MAPRE3: variants seen among roughly 807,000 people sequenced by gnomAD.
MAPRE3 encodes microtubule-associated protein RP/EB family member 3.
In MAPRE3, 2 loss-of-function variants were observed where a neutral mutation model predicts 30.5. The observed-to-expected ratio is 0.07, with a 90% CI of 0.03 to 0.21. MAPRE3 has a LOEUF of 0.21. MAPRE3 is among the 10% of genes least tolerant of loss of function. The probability of loss-of-function intolerance (pLI) is 1.00; values close to 1 mark genes in which losing one functional copy is unlikely to be tolerated. For missense variants in MAPRE3, 204 were observed against 351.8 expected (o/e 0.58, Z 3.36); for synonymous variants, 110 against 127.7 (o/e 0.86, Z 0.93).
At chr2:26,976,392 T>C (rs1486225743) in intron 1 of MAPRE3, among the ~76,000 whole-genome samples, 2 of 152,248 alleles carry the variant, frequency 1.3e-5, no homozygotes, top group African/African-American at 4.8e-5. Context: ...TAGGATGGGT[T>C]ATGCTGAGTA....
intron 1 of MAPRE3, among the ~76,000 whole-genome samples, chr2:27,018,882 C>T (rs1667045693): frequency 6.9e-6 from 1 of 144,532 alleles, no homozygotes; most frequent in South Asian, 2.2e-4. Context: ...GTGGAAGGGG[C>T]AGGCACACAC....
intron 1 of MAPRE3, chr2:27,013,400 T>G (rs1325216307): frequency 1.3e-5 from 2 of 152,250 alleles, no homozygotes; most frequent in African/African-American, 4.8e-5. Context: ...TGCATCTGTT[T>G]GCGTGTAGCC....
chr2:26,974,560 A>G (rs1321839095), intron 1 of MAPRE3, among the ~76,000 whole-genome samples: 2 of 152,122 alleles, frequency 1.3e-5, no homozygotes, highest in Non-Finnish European at 2.9e-5. Flanking sequence ...CTTATCTTCC[A>G]CCTCTCAGAA....
chr2:26,981,222 T>C (rs1038578905), intron 1 of MAPRE3, among the ~76,000 whole-genome samples: 1 of 152,144 alleles, frequency 6.6e-6, no homozygotes, highest in African/African-American at 2.4e-5. Flanking sequence ...TTTAAAGTCC[T>C]CTGGCCAGAG....
intron 1 of MAPRE3, among the ~76,000 whole-genome samples, chr2:26,979,639 G>T (rs1666076800): frequency 6.6e-6 from 1 of 152,162 alleles, no homozygotes; most frequent in Non-Finnish European, 1.5e-5. Flanking sequence ...CTTGTCTCAA[G>T]GATGAGCAGG....
Position 27,024,293 on chromosome 2 carries a change from A to G in MAPRE3, c.465A>G (p.Thr155=), listed in dbSNP as rs781158079. 1.2e-5 allele frequency: 19 copies of G among 1,613,322 alleles called. No homozygotes were observed. Among genetic ancestry groups the G allele is most frequent in the Non-Finnish European group, 1.4e-5 (17 of 1,179,538 alleles). ...ACAAATCCAAGAAACTCATTGGCAC[A>G]GCAGGTAACGTGCCCGAGCCGGGGG... ...IFNKSKKLIG[T]AVPQRTSPTG... is the part of the protein sequence containing the mutation. The change falls in exon 4 of 7, where the codon ACA becomes ACG. Residue 155 remains threonine, a synonymous_variant. Transcript: ENST00000233121.
chr2:26,990,949 C>T (rs111411899), intron 1 of MAPRE3, among the ~76,000 whole-genome samples: 1 of 152,186 alleles, frequency 6.6e-6, no homozygotes, highest in African/African-American at 2.4e-5. Flanking sequence ...GTGCGCACCA[C>T]GTACTTACTG....
chr2:27,024,695 G>A (rs986297158), intron 4 of MAPRE3, among the ~76,000 whole-genome samples: 6 of 152,184 alleles, frequency 3.9e-5, no homozygotes, highest in Admixed American at 3.3e-4. Flanking sequence ...CCCCTGGATG[G>A]CCAGGGGCAG....
At chr2:27,016,154 C>T (rs781776758) in intron 1 of MAPRE3, among the ~76,000 whole-genome samples, 3 of 152,144 alleles carry the variant, frequency 2.0e-5, no homozygotes, top group Non-Finnish European at 4.4e-5. Context: ...AATGGGGATC[C>T]GCCTGGATGA....
intron 1 of MAPRE3, among the ~76,000 whole-genome samples, chr2:26,979,405 G>A (rs1197512573): frequency 6.6e-6 from 1 of 152,124 alleles, no homozygotes; most frequent in Non-Finnish European, 1.5e-5. Flanking sequence ...CAGCAACATA[G>A]CGAGACCCCA....
chr2:26,997,784 CT>C (rs1380531834), intron 1 of MAPRE3, among the ~76,000 whole-genome samples: 1 of 152,188 alleles, frequency 6.6e-6, no homozygotes, highest in African/African-American at 2.4e-5. Flanking sequence ...ATTATGTAAA[CT>C]CAATATTCAC....
chr2:26,998,612 G>T (rs1479012421), intron 1 of MAPRE3, among the ~76,000 whole-genome samples: 1 of 152,128 alleles, frequency 6.6e-6, no homozygotes, highest in African/African-American at 2.4e-5. Flanking sequence ...ATACAATAGG[G>T]CTGAAAAAAA....
intron 1 of MAPRE3, among the ~76,000 whole-genome samples, chr2:26,993,837 G>A (rs1282132554): frequency 6.6e-6 from 1 of 152,162 alleles, no homozygotes; most frequent in African/African-American, 2.4e-5. Context: ...CATGACCATT[G>A]ATTGTGTCCA....
At position 27,025,756 on chromosome 2, in the gene MAPRE3, G is replaced by A. The variant is rs527952504; in HGVS notation, c.624+19G>A. The A allele has an allele frequency of 1.9e-6, 3 of 1,614,172 alleles. No individual in the cohort carries two copies. The highest frequency in any genetic ancestry group is 1.3e-5 in the African/African-American group (1 of 75,054). ...CCAACAGGTGAGTGGGATGGGTAAG[G>A]GTAGCTGAGATAGCCCTGTCACCAA... is the stretch of plus-strand genomic sequence containing the variant. On this transcript the variant is annotated intron_variant, in intron 5 of 6. Coordinates refer to ENST00000233121, the MANE Select transcript of MAPRE3 (RefSeq NM_012326.4).
chr2:27,001,103 A>G (rs893791062), intron 1 of MAPRE3, among the ~76,000 whole-genome samples: 2 of 152,232 alleles, frequency 1.3e-5, no homozygotes, highest in Non-Finnish European at 2.9e-5. Context: ...AACTGTTGGT[A>G]TATTTTTGTT....
intron 4 of MAPRE3, 93 bp downstream of exon 4, chr2:27,024,390 C>A: frequency 2.5e-6 from 3 of 1,183,124 alleles, no homozygotes; most frequent in Non-Finnish European, 3.5e-6. Context: ...CCCGGCCCTG[C>A]CAGCCTGGAG....
At chr2:27,014,351 C>T (rs1020309860) in intron 1 of MAPRE3, 3 of 152,248 alleles carry the variant, frequency 2.0e-5, no homozygotes, top group Non-Finnish European at 4.4e-5. Flanking sequence ...CCCAACCAGC[C>T]TGGGGAGAGC....
intron 1 of MAPRE3, among the ~76,000 whole-genome samples, chr2:27,000,805 G>A (rs1426112402): frequency 3.3e-5 from 5 of 152,218 alleles, no homozygotes; most frequent in Non-Finnish European, 5.9e-5. Context: ...GGCTCCAGCT[G>A]GGAAGTCTGA....
rs1666201326 is a variant in MAPRE3 at position 26,985,584 on chromosome 2, G to A, written c.-8+14782G>A. On this transcript the variant is annotated intron_variant, in intron 1 of 6. Transcript: ENST00000233121. The surrounding 1 kb of genome is among the most constrained non-coding windows in gnomAD (Gnocchi z 4.2). Reference sequence around the variant, plus strand: ...AGCAGCCTAGGAAGTCCCAGTGAGAGGAGACCTAATCAGCCAGGTATTCAT... The same window carrying A: ...AGCAGCCTAGGAAGTCCCAGTGAGAAGAGACCTAATCAGCCAGGTATTCAT... 6.6e-6 allele frequency among the ~76,000 whole-genome samples: 1 copy of A among 152,188 alleles called. No individual in the cohort carries two copies.
Sources: gnomAD v4.1 joint callset for allele counts (sites outside exome capture counted in the v4.1 genomes callset) on GRCh38, gnomAD v4.1.1 for gene constraint, Gnocchi (gnomAD v3.1) non-coding constraint, MANE v1.5 for transcripts, NCBI Gene and HGNC (gene_info 2026-07-23, HGNC 2026-07-21) for gene names.